Variants in COX11 observed in about 807,000 individuals in gnomAD.
COX11 encodes cytochrome c oxidase copper chaperone COX11, also known as cytochrome c oxidase assembly protein COX11, mitochondrial.
Under a neutral mutation model 29.4 loss-of-function variants are expected in COX11, and 18 were observed. That is an observed-to-expected ratio of 0.61 (90% CI 0.42 to 0.91). COX11 has a LOEUF of 0.91. Among genes scored for constraint, COX11 ranks in the 40% least tolerant of loss-of-function variants. The pLI, the probability that COX11 is intolerant of heterozygous loss-of-function variation, is 0.00. For missense variants in COX11, 312 were observed against 346.0 expected (o/e 0.90, Z 0.78); for synonymous variants, 131 against 124.0 (o/e 1.06, Z -0.38).
chr17:54,966,802 C>T (rs1355324812), intron 1 of COX11, among the ~76,000 whole-genome samples: 1 of 152,212 alleles, frequency 6.6e-6, no homozygotes, highest in African/African-American at 2.4e-5. Context: ...ATTGCACATT[C>T]CCACATAAAT....
exon 1 of COX11, chr17:54,954,821 G>C (rs1455419443): frequency 6.6e-6 from 1 of 152,216 alleles, no homozygotes; most frequent in Non-Finnish European, 1.5e-5. Flanking sequence ...GGTTTTGATA[G>C]AGGGCCATAA....
At chr17:54,956,301 TGCCTG>T (rs1230897468), downstream of COX11, among the ~76,000 whole-genome samples, 1 of 152,020 alleles carries the variant, frequency 6.6e-6, no homozygotes, top group African/African-American at 2.4e-5. Flanking sequence ...TGTGCTACCA[TGCCTG>T]GCTAATTTAA....
downstream of COX11, chr17:54,957,875 G>A (rs1331584677): frequency 3.3e-5 from 5 of 152,144 alleles, no homozygotes; most frequent in African/African-American, 7.2e-5. Flanking sequence ...GAGGTTAAAC[G>A]TAGTATGGAT....
chr17:54,968,491 C>G lies in COX11; in HGVS notation c.156G>C (p.Trp52Cys). 6.2e-7 allele frequency: 1 copy of G among 1,613,472 alleles called. No homozygotes were observed. Among genetic ancestry groups the G allele is most frequent in the Non-Finnish European group, 8.5e-7 (1 of 1,179,996 alleles). The part of the protein sequence containing the change: ...GTGGAERGLR[W>C]LGTWKRCSLR... Reference sequence around the variant, plus strand: ...GGCTGCAGCGCTTCCATGTCCCAAGCCACCTCAGTCCTCTCTCGGCACCTC... The same window carrying G: ...GGCTGCAGCGCTTCCATGTCCCAAGGCACCTCAGTCCTCTCTCGGCACCTC... The change falls in exon 1 of 4, where the codon TGG becomes TGC. Residue 52 changes from tryptophan (W) to cysteine (C), a missense_variant. Coordinates refer to ENST00000299335, the MANE Select transcript of COX11 (RefSeq NM_004375.5).
At chr17:54,960,081 G>A (rs1343406551), downstream of COX11, among the ~76,000 whole-genome samples, 1 of 152,138 alleles carries the variant, frequency 6.6e-6, no homozygotes, top group Non-Finnish European at 1.5e-5. Context: ...GCAACAATAA[G>A]GCCGGGTGTG....
chr17:54,963,247 C>A, intron 3 of COX11, 59 bp downstream of exon 3: 1 of 1,541,310 alleles, frequency 6.5e-7, no homozygotes, highest in South Asian at 1.2e-5. Context: ...CACTAAGTTT[C>A]ATACTAAACC....
chr17:54,961,566 G>A lies in COX11; in HGVS notation c.*1167C>T, dbSNP rs2077125869. The A allele has an allele frequency of 7.6e-7, 1 of 1,321,258 alleles. No homozygotes were observed. Among genetic ancestry groups the A allele is most frequent in the Non-Finnish European group, 9.7e-7 (1 of 1,036,146 alleles). The allele number at this position is 1,321,258 out of a possible 1,614,324, so 81.8% of individuals were successfully genotyped here. On this transcript the variant is annotated 3_prime_UTR_variant, in exon 4 of 4. Coordinates refer to ENST00000299335, the MANE Select transcript of COX11 (RefSeq NM_004375.5). ...TACATTTAGAAATCGTCACACAGCT[G>A]TGATAAGAGTAGATTATTTTACTAT...
chr17:54,968,388 C>A lies in COX11; in HGVS notation c.259G>T (p.Glu87Ter). 1 of 1,613,120 alleles carries A rather than the reference C, an allele frequency of 6.2e-7. No individual in the cohort carries two copies. Among genetic ancestry groups the A allele is most frequent in the Non-Finnish European group, 8.5e-7 (1 of 1,179,940 alleles). ...GTCGTCTTGTTCTGCCGCCGCCGCT[C>A]CTCCTCCTGCGCGCGTGTGAAAGGG... ...SNPFTRAQEE[E>*]RRRQNKTTLT... is the part of the protein sequence containing the mutation. Residue 87 changes from glutamate (E) to a stop codon, truncating the protein, a stop_gained, in exon 1 of 4, where the codon GAG becomes TAG. Transcript: ENST00000299335. LOFTEE classifies it high-confidence loss of function.
downstream of COX11, chr17:54,958,371 T>A (rs563885285): frequency 6.6e-6 from 1 of 152,170 alleles, no homozygotes; most frequent in Admixed American, 6.5e-5. Flanking sequence ...GAAAAGCACA[T>A]GAGAGATTAA....
At chr17:54,967,996 C>CTTTTT (rs66732337) in intron 1 of COX11, among the ~76,000 whole-genome samples, 33,370 of 124,072 alleles carry the variant, frequency 0.27, 5,656 homozygotes, top group Middle Eastern at 0.38. Flanking sequence ...GGCTGCGGAC[C>CTTTTT]TTTTTTTTTT....
Position 54,961,544 on chromosome 17 carries a change from A to G in COX11, c.*1189T>C. 2 of 1,374,336 alleles carry G rather than the reference A, an allele frequency of 1.5e-6. No homozygotes were observed. Among genetic ancestry groups the G allele is most frequent in the Non-Finnish European group, 9.4e-7 (1 of 1,066,262 alleles). 85.1% of individuals were successfully genotyped at this position (1,374,336 alleles called of 1,614,324 possible). A position where few individuals can be genotyped will look rare whatever the true frequency, so the allele number is the denominator to read the frequency against. Reference sequence around the variant, plus strand: ...TGTCATGTTTCACAGGCCTTCCTACATTTAGAAATCGTCACACAGCTGTGA... The same window carrying G: ...TGTCATGTTTCACAGGCCTTCCTACGTTTAGAAATCGTCACACAGCTGTGA... On this transcript the variant is annotated 3_prime_UTR_variant, in exon 4 of 4. Coordinates refer to ENST00000299335, the MANE Select transcript of COX11 (RefSeq NM_004375.5).
chr17:54,955,691 C>T (rs549700274), downstream of COX11, among the ~76,000 whole-genome samples: 49 of 152,160 alleles, frequency 3.2e-4, no homozygotes, highest in Non-Finnish European at 5.6e-4. Context: ...GTCTCTCAGT[C>T]TCCCAGACCT....
chr17:54,968,740 CGCTGCCTTGGCTACCAG>C, upstream of COX11: 1 of 1,434,772 alleles, frequency 7.0e-7, no homozygotes, highest in Non-Finnish European at 9.3e-7. Flanking sequence ...TTGAGCCTGC[CGCTGCCTTGGCTACCAG>C]GCTCCTCAGG....
At chr17:54,957,342 T>TA (rs564843383), downstream of COX11, 2 of 152,248 alleles carry the variant, frequency 1.3e-5, no homozygotes, top group Non-Finnish European at 2.9e-5. Flanking sequence ...TTCTGCCTGA[T>TA]AGAGTAGATA....
In COX11 at chr17:54,961,148, C is replaced by A; in HGVS notation, c.*1585G>T. ...CTTCTACTAGACTGTGACTCTCCAG[C>A]TTCCCAGTAAAGACAAGAGAGTTAT... On this transcript the variant is annotated 3_prime_UTR_variant, in exon 4 of 4. Transcript: ENST00000299335. 3 of 937,636 alleles carry A rather than the reference C, an allele frequency of 3.2e-6. No individual in the cohort carries two copies. Among genetic ancestry groups the A allele is most frequent in the Non-Finnish European group, 5.0e-6 (3 of 594,718 alleles). 58.1% of individuals were successfully genotyped at this position (937,636 alleles called of 1,614,324 possible).
chr17:54,962,899 T>A lies in COX11; in HGVS notation c.665A>T (p.Glu222Val), dbSNP rs1567855074. ...FNKIQCFCFE[E>V]QRLNPQEEVD... ...TTCCTCTTGGGGATTAAGCCTTTGT[T>A]CTTCAAAACAGAAGCACTGGAAATT... Residue 222 changes from glutamate to valine, a missense_variant, in exon 4 of 4, where the codon GAA becomes GTA. Glu to Val is a moderately radical substitution (Grantham distance 121). Coordinates refer to ENST00000299335, the MANE Select transcript of COX11 (RefSeq NM_004375.5). 6.2e-7 allele frequency: 1 copy of A among 1,609,792 alleles called. No homozygotes were observed. The highest frequency in any genetic ancestry group is 1.7e-5 in the Admixed American group (1 of 59,322).
At chr17:54,952,005 T>G (rs2049259659) in exon 1 of COX11, 1 of 152,210 alleles carries the variant, frequency 6.6e-6, no homozygotes, top group South Asian at 2.1e-4. Context: ...AGGGACACTG[T>G]ATCCAGAGAT....
At chr17:54,965,561 T>A (rs185104398) in intron 1 of COX11, among the ~76,000 whole-genome samples, 2 of 152,156 alleles carry the variant, frequency 1.3e-5, no homozygotes, top group African/African-American at 4.8e-5. Context: ...ACATCACTTT[T>A]AAAAAAAGCC....
chr17:54,960,676 A>G lies in COX11; in HGVS notation c.*2057T>C. On this transcript the variant is annotated 3_prime_UTR_variant, in exon 4 of 4. Transcript: ENST00000299335. Reference sequence around the variant, plus strand: ...TTAATTCCATATTCCATATAATTTCAGTATAATTATCACTTTACATATTTA... The same window carrying G: ...TTAATTCCATATTCCATATAATTTCGGTATAATTATCACTTTACATATTTA... The G allele has an allele frequency of 8.7e-6, 12 of 1,379,010 alleles. No homozygotes were observed. Among genetic ancestry groups the G allele is most frequent in the Non-Finnish European group, 1.2e-5 (12 of 968,488 alleles). The allele number at this position is 1,379,010 out of a possible 1,614,324, so 85.4% of individuals were successfully genotyped here.
Sources: gnomAD v4.1 joint callset for allele counts (sites outside exome capture counted in the v4.1 genomes callset) on GRCh38, gnomAD v4.1.1 for gene constraint, MANE v1.5 for transcripts, NCBI Gene and HGNC (gene_info 2026-07-23, HGNC 2026-07-21) for gene names.